Variants in HIPK2 observed in about 807,000 individuals in gnomAD.
HIPK2 encodes homeodomain-interacting protein kinase 2.
A neutral mutation model predicts 113.7 loss-of-function variants in HIPK2; 27 were observed. That is an observed-to-expected ratio of 0.24 (90% CI 0.17 to 0.33). The LOEUF is 0.33. HIPK2 is among the 10% of genes least tolerant of loss of function. The probability of loss-of-function intolerance (pLI) is 1.00; values close to 1 mark genes in which losing one functional copy is unlikely to be tolerated. For synonymous variants in HIPK2, 631 were observed against 642.2 expected, an observed-to-expected ratio of 0.98 and a Z score of 0.26; for missense variants, 1,257 against 1,588.0, an observed-to-expected ratio of 0.79 and a Z score of 3.54.
At chr7:139,733,298 C>T (rs1471936664) in intron 1 of HIPK2, among the ~76,000 whole-genome samples, 4 of 152,170 alleles carry the variant, frequency 2.6e-5, no homozygotes, top group Non-Finnish European at 4.4e-5. Flanking sequence ...CCTAAACAAG[C>T]GTTTAGTGAA....
chr7:139,652,380 A>T (rs1801494941), intron 2 of HIPK2, among the ~76,000 whole-genome samples: 1 of 152,150 alleles, frequency 6.6e-6, no homozygotes, highest in Non-Finnish European at 1.5e-5. Context: ...TGATTGGATT[A>T]TTGAGTGATT....
chr7:139,585,390 T>A (rs1004800851), intron 12 of HIPK2, among the ~76,000 whole-genome samples: 1 of 152,162 alleles, frequency 6.6e-6, no homozygotes, highest in Admixed American at 6.5e-5. Context: ...GGGGGTGCAG[T>A]CCCCAGGAGG....
rs916342373 is a variant in HIPK2 at position 139,702,131 on chromosome 7, G to T, written c.1103+13801C>A. On this transcript the variant is annotated intron_variant, in intron 2 of 14. Coordinates refer to ENST00000406875, the MANE Select transcript of HIPK2 (RefSeq NM_022740.5). ...CAGTGCTGCTCCAGACTCCAGCAGCGCAGGCCGGGGCACGAGACAGCGGCG... is the reference window on the plus strand; with the variant it reads ...CAGTGCTGCTCCAGACTCCAGCAGCTCAGGCCGGGGCACGAGACAGCGGCG... Among the ~76,000 whole-genome samples, 14 of 152,334 alleles carry T rather than the reference G, an allele frequency of 9.2e-5. No individual in the cohort carries two copies. The East Asian group carries it at 2.1e-3, about 23-fold the overall frequency.
chr7:139,644,223 C>T (rs1009163384), intron 2 of HIPK2, among the ~76,000 whole-genome samples: 8 of 151,926 alleles, frequency 5.3e-5, no homozygotes, highest in Non-Finnish European at 7.4e-5. Context: ...ACAACAAAAA[C>T]GTATACCTTA....
chr7:139,580,407 G>A (rs1585233404), intron 13 of HIPK2, among the ~76,000 whole-genome samples: 1 of 152,318 alleles, frequency 6.6e-6, no homozygotes, highest in African/African-American at 2.4e-5. Context: ...GAGTAAGGGA[G>A]GACGTCCTGA....
Position 139,776,596 on chromosome 7 carries a change from A to C in HIPK2, c.19+1009T>G, listed in dbSNP as rs528898283. Among the ~76,000 whole-genome samples the C allele has an allele frequency of 2.9e-5, 4 of 139,510 alleles. No individual in the cohort carries two copies. The South Asian group carries it at 8.4e-4, about 29-fold the overall frequency. The allele number at this position is 139,510 out of a possible 152,430, so 91.5% of individuals were successfully genotyped here. A position where few individuals can be genotyped will look rare whatever the true frequency, so the allele number is the denominator to read the frequency against. On this transcript the variant is annotated intron_variant, in intron 1 of 14. Coordinates refer to ENST00000406875, the MANE Select transcript of HIPK2 (RefSeq NM_022740.5). ...TGCGATTTCATCCACAGAATATCTGAACAAAACCGAAAGAAAGCCGGGGGA... is the reference window on the plus strand; with the variant it reads ...TGCGATTTCATCCACAGAATATCTGCACAAAACCGAAAGAAAGCCGGGGGA...
chr7:139,729,089 C>T (rs140508694), intron 1 of HIPK2, among the ~76,000 whole-genome samples: 4 of 152,154 alleles, frequency 2.6e-5, no homozygotes, highest in Non-Finnish European at 4.4e-5. Flanking sequence ...TTTGGGAGGC[C>T]GCGATGGGTG....
At chr7:139,586,087 T>C (rs1798824033) in intron 12 of HIPK2, among the ~76,000 whole-genome samples, 2 of 152,200 alleles carry the variant, frequency 1.3e-5, no homozygotes, top group African/African-American at 2.4e-5. Flanking sequence ...CGTGATTAAC[T>C]GTCAGATGAA....
In HIPK2 at chr7:139,565,410, G is replaced by T. The variant is rs1042496004; in HGVS notation, c.*7517C>A. On this transcript the variant is annotated 3_prime_UTR_variant, in exon 15 of 15. Coordinates refer to ENST00000406875, the MANE Select transcript of HIPK2 (RefSeq NM_022740.5). Reference sequence around the variant, plus strand: ...AGGTTTTAAATGAAAAAAGGAACAAGAAACCCACTCAAAACAACTGAACAA... The same window carrying T: ...AGGTTTTAAATGAAAAAAGGAACAATAAACCCACTCAAAACAACTGAACAA... 10 of 152,052 alleles carry T rather than the reference G, an allele frequency of 6.6e-5. No individual in the cohort carries two copies. The highest frequency in any genetic ancestry group is 2.2e-4 in the African/African-American group (9 of 41,400). The allele number at this position is 152,052 out of a possible 1,614,324, so 9.4% of individuals were successfully genotyped here. A position where few individuals can be genotyped will look rare whatever the true frequency, so the allele number is the denominator to read the frequency against.
chr7:139,616,587 G>T (rs1174205869), intron 7 of HIPK2, among the ~76,000 whole-genome samples: 1 of 152,192 alleles, frequency 6.6e-6, no homozygotes, highest in African/African-American at 2.4e-5. Flanking sequence ...CAAGCCTTTG[G>T]GCTTTAAGGC....
At chr7:139,633,621 G>C (rs975499418) in intron 2 of HIPK2, among the ~76,000 whole-genome samples, 8 of 151,268 alleles carry the variant, frequency 5.3e-5, no homozygotes, top group Non-Finnish European at 1.2e-4. Flanking sequence ...AGACCAGCCT[G>C]GGCAACAGAG....
At chr7:139,711,919 C>A (rs796869431) in intron 2 of HIPK2, among the ~76,000 whole-genome samples, 2 of 152,312 alleles carry the variant, frequency 1.3e-5, no homozygotes, top group African/African-American at 4.8e-5. Flanking sequence ...TCCCTCTGTC[C>A]TTCAGAATAG....
chr7:139,614,621 G>C, intron 7 of HIPK2, 128 bp from the exon 8 acceptor site: 1 of 629,632 alleles, frequency 1.6e-6, no homozygotes, highest in East Asian at 3.4e-5. Flanking sequence ...AAAACTAAGA[G>C]CAGAAAGGCA....
chr7:139,715,830 G>A lies in HIPK2; in HGVS notation c.1103+102C>T. ...TTAAGATCACTTGAAGGCAGGAACT[G>A]TAGACATATAATTTTATCTCCCCAC... On this transcript the variant is annotated intron_variant, in intron 2 of 14. Coordinates refer to ENST00000406875, the MANE Select transcript of HIPK2 (RefSeq NM_022740.5). The A allele has an allele frequency of 2.1e-6, 3 of 1,462,864 alleles. No individual in the cohort carries two copies. In the South Asian group the frequency reaches 4.1e-5, roughly 20 times the overall value. 90.6% of individuals were successfully genotyped at this position (1,462,864 alleles called of 1,614,324 possible).
intron 13 of HIPK2, 100 bp from the exon 14 acceptor site, chr7:139,575,388 G>A (rs940455287): frequency 2.2e-6 from 3 of 1,364,342 alleles, no homozygotes; most frequent in Non-Finnish European, 3.0e-6. Context: ...GAAGAAACAT[G>A]TGCCTGAGGC....
chr7:139,626,713 G>A lies in HIPK2; in HGVS notation c.1507C>T (p.Leu503=). ...TCAATGGTCAGCATCTTCTTCAACAGGTCAATGAACTCCCGCCGGTCAGCC... is the reference window on the plus strand; with the variant it reads ...TCAATGGTCAGCATCTTCTTCAACAAGTCAATGAACTCCCGCCGGTCAGCC... ...EKADRREFID[L]LKKMLTIDAD... Residue 503 remains leucine, a synonymous_variant, in exon 6 of 15, where the codon CTG becomes TTG. Transcript: ENST00000406875. 6.2e-7 allele frequency: 1 copy of A among 1,613,922 alleles called. No homozygotes were observed. Among genetic ancestry groups the A allele is most frequent in the Non-Finnish European group, 8.5e-7 (1 of 1,179,892 alleles).
intron 2 of HIPK2, among the ~76,000 whole-genome samples, chr7:139,653,901 T>G (rs1166478411): frequency 2.0e-5 from 3 of 151,978 alleles, no homozygotes; most frequent in Non-Finnish European, 4.4e-5. Flanking sequence ...CCCGGCTAAT[T>G]TTTGTATTTT....
At chr7:139,685,496 A>G (rs1001467867) in intron 2 of HIPK2, among the ~76,000 whole-genome samples, 8 of 152,216 alleles carry the variant, frequency 5.3e-5, no homozygotes, top group African/African-American at 1.9e-4. Flanking sequence ...ACAGCCGTCT[A>G]TTGGAAGAAG....
chr7:139,750,246 T>A (rs925115487), intron 1 of HIPK2, among the ~76,000 whole-genome samples: 10 of 152,188 alleles, frequency 6.6e-5, no homozygotes, highest in Admixed American at 5.2e-4. Context: ...TTAGCACAGT[T>A]TTCCACCCAA....
Sources: gnomAD v4.1 joint callset for allele counts (sites outside exome capture counted in the v4.1 genomes callset) on GRCh38, gnomAD v4.1.1 for gene constraint, MANE v1.5 for transcripts, NCBI Gene and HGNC (gene_info 2026-07-23, HGNC 2026-07-21) for gene names.